The following CEP128 variants were observed in gnomAD, a reference collection of about 807,000 sequenced individuals.
CEP128 encodes the protein centrosomal protein 128, also known as centrosomal protein 128kDa.
In CEP128, 132 loss-of-function variants were observed where a neutral mutation model predicts 156.7. The observed-to-expected ratio is 0.84, with a 90% CI of 0.73 to 0.97. The LOEUF (loss-of-function observed/expected upper bound fraction) is 0.97, where lower values mean the gene tolerates loss of function less well. Ranked by LOEUF, CEP128 falls within the 50% of genes least tolerant of loss-of-function variation. The probability of loss-of-function intolerance (pLI) is 0.00; values close to 1 mark genes in which losing one functional copy is unlikely to be tolerated. For missense variants in CEP128, 1,252 were observed against 1,281.9 expected, an observed-to-expected ratio of 0.98 and a Z score of 0.36; for synonymous variants, 469 against 448.9, an observed-to-expected ratio of 1.04 and a Z score of -0.57.
At chr14:80,515,311 C>G (rs1401036290) in intron 23 of CEP128, among the ~76,000 whole-genome samples, 1 of 152,114 alleles carries the variant, frequency 6.6e-6, no homozygotes, top group Non-Finnish European at 1.5e-5. Context: ...CAGGGCAGAT[C>G]CAGAAATGCC....
chr14:80,650,645 C>T (rs1023230580), intron 19 of CEP128, among the ~76,000 whole-genome samples: 12 of 152,138 alleles, frequency 7.9e-5, no homozygotes, highest in Non-Finnish European at 1.8e-4. Flanking sequence ...TGAATTTTAT[C>T]AAAGGCCTTT....
chr14:80,676,444 ATT>A (rs61606038), intron 19 of CEP128, among the ~76,000 whole-genome samples: 6 of 150,682 alleles, frequency 4.0e-5, no homozygotes, highest in African/African-American at 1.2e-4. Context: ...TTAATTTGTG[ATT>A]TTTTTTAAAA....
At chr14:80,485,125 A>G (rs1319595460) in intron 14 of CEP128, among the ~76,000 whole-genome samples, 1 of 152,140 alleles carries the variant, frequency 6.6e-6, no homozygotes, top group Non-Finnish European at 1.5e-5. Context: ...TTCAGCCCAT[A>G]TCCAGTAATG....
intron 19 of CEP128, among the ~76,000 whole-genome samples, chr14:80,604,082 C>T (rs1450790464): frequency 6.6e-6 from 1 of 152,182 alleles, no homozygotes; most frequent in Non-Finnish European, 1.5e-5. Flanking sequence ...ACTTCTAAAA[C>T]ATCTCCTGAA....
At chr14:80,909,111 AAGACTT>A (rs147370894) in intron 4 of CEP128, among the ~76,000 whole-genome samples, 67,187 of 151,376 alleles carry the variant, frequency 0.44, 15,206 homozygotes, top group South Asian at 0.56. Flanking sequence ...TCCCAAATAT[AAGACTT>A]ACCCTTCTGG....
At chr14:80,858,694 T>C (rs1451872161) in intron 9 of CEP128, among the ~76,000 whole-genome samples, 2 of 150,382 alleles carry the variant, frequency 1.3e-5, no homozygotes, top group Admixed American at 6.6e-5. Flanking sequence ...TCAAACAAAT[T>C]TACAAGAAAA....
chr14:80,739,804 A>C (rs1302504087), intron 19 of CEP128, among the ~76,000 whole-genome samples: 1 of 152,172 alleles, frequency 6.6e-6, no homozygotes, highest in African/African-American at 2.4e-5. Context: ...AATATAAACT[A>C]TTTAAATATT....
chr14:80,561,400 T>G (rs909714794), intron 20 of CEP128, among the ~76,000 whole-genome samples: 2 of 152,192 alleles, frequency 1.3e-5, no homozygotes, highest in Non-Finnish European at 2.9e-5. Flanking sequence ...CAAGGGGGCT[T>G]TGATCTATTG....
intron 21 of CEP128, among the ~76,000 whole-genome samples, chr14:80,532,020 T>C (rs1477571412): frequency 6.6e-6 from 1 of 152,152 alleles, no homozygotes; most frequent in East Asian, 1.9e-4. Flanking sequence ...AGTCACACAA[T>C]AACCTCTACT....
chr14:80,954,310 A>G (rs1360609430), intron 2 of CEP128, among the ~76,000 whole-genome samples: 1 of 152,116 alleles, frequency 6.6e-6, no homozygotes, highest in Admixed American at 6.5e-5. Context: ...TGCATGTTGT[A>G]TCAGCAGTTC....
At chr14:80,635,982 G>A (rs1894166365) in intron 19 of CEP128, among the ~76,000 whole-genome samples, 1 of 152,184 alleles carries the variant, frequency 6.6e-6, no homozygotes, top group Admixed American at 6.5e-5. Context: ...TCCCATCCCT[G>A]AGATTTCTCA....
At chr14:80,688,171 C>T (rs1254440342) in intron 19 of CEP128, among the ~76,000 whole-genome samples, 1 of 152,072 alleles carries the variant, frequency 6.6e-6, no homozygotes, top group Non-Finnish European at 1.5e-5. Context: ...AGTCTCTAAA[C>T]TCTATGTAGG....
intron 19 of CEP128, among the ~76,000 whole-genome samples, chr14:80,741,695 C>T (rs1433785193): frequency 6.6e-6 from 1 of 152,070 alleles, no homozygotes; most frequent in Non-Finnish European, 1.5e-5. Flanking sequence ...TGTCATATTT[C>T]ACTTATAGAT....
At chr14:80,927,703 G>C (rs1344558785) in intron 2 of CEP128, among the ~76,000 whole-genome samples, 1 of 152,148 alleles carries the variant, frequency 6.6e-6, no homozygotes, top group Non-Finnish European at 1.5e-5. Context: ...AGCTTTCCCA[G>C]CCATCTCTGT....
chr14:80,905,039 G>T, intron 5 of CEP128, 108 bp from the exon 6 acceptor site: 1 of 702,696 alleles, frequency 1.4e-6, no homozygotes. Context: ...ATATATTCAT[G>T]TCCCTAACCC....
intron 4 of CEP128, among the ~76,000 whole-genome samples, chr14:80,906,864 T>C (rs1308148183): frequency 6.6e-6 from 1 of 152,154 alleles, no homozygotes; most frequent in Non-Finnish European, 1.5e-5. Context: ...CACCCTGAAT[T>C]GCTGGGAAAC....
intron 19 of CEP128, among the ~76,000 whole-genome samples, chr14:80,606,944 A>C (rs1351933670): frequency 6.6e-6 from 1 of 151,058 alleles, no homozygotes; most frequent in African/African-American, 2.4e-5. Flanking sequence ...TACTCTCTAA[A>C]CTCTTACCTT....
intron 12 of CEP128, among the ~76,000 whole-genome samples, chr14:80,832,624 G>A (rs1885867714): frequency 6.6e-6 from 1 of 152,088 alleles, no homozygotes; most frequent in African/African-American, 2.4e-5. Context: ...AACTAAAGTA[G>A]GAAGAACTGA....
In CEP128 at chr14:80,697,886, T is replaced by C. The variant is rs777998504; in HGVS notation, c.2806+45189A>G. Among the ~76,000 whole-genome samples the C allele has an allele frequency of 1.8e-4, 27 of 152,078 alleles. 1 individual carries two copies. Among genetic ancestry groups the C allele is most frequent in the Admixed American group, 5.2e-4 (8 of 15,268 alleles). ...ATGGCACTGAGCATAAATATATATA[T>C]GTGTGTATATGCACACATATATATA... On this transcript the variant is annotated intron_variant, in intron 19 of 24. Transcript: ENST00000555265.
Sources: allele counts gnomAD v4.1 joint callset (sites outside exome capture counted in the v4.1 genomes callset), GRCh38; gene constraint gnomAD v4.1.1; transcripts MANE v1.5; gene names NCBI Gene and HGNC (gene_info 2026-07-23, HGNC 2026-07-21).